The following PDE11A variants were observed in gnomAD, a reference collection of about 807,000 sequenced individuals.
The protein encoded by PDE11A is phosphodiesterase 11A.
Under a neutral mutation model 100.5 loss-of-function variants are expected in PDE11A, and 100 were observed. The ratio of observed to expected loss-of-function variants is 1.00; its 90% CI spans 0.85 to 1.18. The LOEUF (loss-of-function observed/expected upper bound fraction) is 1.18. PDE11A is among the 50% of genes most tolerant of loss of function. The probability of loss-of-function intolerance (pLI) is 0.00; values close to 1 mark genes in which losing one functional copy is unlikely to be tolerated. For missense variants in PDE11A, 1,141 were observed against 1,152.6 expected (o/e 0.99, Z 0.15); for synonymous variants, 381 against 420.8 (o/e 0.91, Z 1.16).
At chr2:177,853,578 GC>G (rs1161345519) in intron 5 of PDE11A, among the ~76,000 whole-genome samples, 20 of 141,534 alleles carry the variant, frequency 1.4e-4, no homozygotes, top group Non-Finnish European at 2.7e-4. Context: ...CTGTGAGGGT[GC>G]TGTGGATACC....
At chr2:178,020,897 GTCTT>G (rs998026866) in intron 1 of PDE11A, among the ~76,000 whole-genome samples, 35 of 88,898 alleles carry the variant, frequency 3.9e-4, no homozygotes, top group African/African-American at 1.4e-3. Context: ...TTTCTATTAA[GTCTT>G]TGTTTTTTTG....
At chr2:178,086,748 C>A (rs1487583677) in intron 2 of PDE11A, among the ~76,000 whole-genome samples, 1 of 152,098 alleles carries the variant, frequency 6.6e-6, no homozygotes, top group Non-Finnish European at 1.5e-5. Flanking sequence ...AGACAACAGT[C>A]GTTAAAAGTG....
At chr2:177,634,025 AACAC>A (rs142555250) in intron 19 of PDE11A, among the ~76,000 whole-genome samples, 1 of 152,300 alleles carries the variant, frequency 6.6e-6, no homozygotes, top group East Asian at 1.9e-4. Flanking sequence ...TCTTAAAAGC[AACAC>A]ATTTTTTTCT....
chr2:177,727,984 T>C (rs1381512550), intron 11 of PDE11A, 42 bp downstream of exon 11: 2 of 1,580,912 alleles, frequency 1.3e-6, no homozygotes. Flanking sequence ...TAACACGTTG[T>C]CCCAGGTGAA....
chr2:177,927,732 A>G (rs2085149656), intron 2 of PDE11A, among the ~76,000 whole-genome samples: 2 of 152,372 alleles, frequency 1.3e-5, no homozygotes, highest in African/African-American at 4.8e-5. Context: ...TTCATAAAGC[A>G]AAAGAGTATC....
chr2:177,735,555 G>A (rs574242291), intron 10 of PDE11A, among the ~76,000 whole-genome samples: 12 of 152,224 alleles, frequency 7.9e-5, no homozygotes, highest in African/African-American at 2.6e-4. Flanking sequence ...GAAACATGGC[G>A]GAGAACAGCA....
intron 19 of PDE11A, among the ~76,000 whole-genome samples, chr2:177,630,358 A>G (rs188165068): frequency 6.6e-6 from 1 of 152,270 alleles, no homozygotes; most frequent in African/African-American, 2.4e-5. Flanking sequence ...AGCTTGTCTC[A>G]CCGCTCCTGG....
At chr2:178,018,380 T>TGACTTTAACTTGGCACACTC in intron 1 of PDE11A, 1 of 491,654 alleles carries the variant, frequency 2.0e-6, no homozygotes, top group Non-Finnish European at 4.0e-6. Flanking sequence ...TTGGCACACT[T>TGACTTTAACTTGGCACACTC]GACTTTAACC....
At chr2:177,800,486 T>G (rs2082775690) in intron 9 of PDE11A, among the ~76,000 whole-genome samples, 1 of 152,272 alleles carries the variant, frequency 6.6e-6, no homozygotes, top group East Asian at 1.9e-4. Context: ...CAGTCTAATT[T>G]TAAAGCCTGC....
chr2:177,652,329 G>C (rs1454437341), intron 19 of PDE11A, among the ~76,000 whole-genome samples: 1 of 152,208 alleles, frequency 6.6e-6, no homozygotes, highest in Non-Finnish European at 1.5e-5. Context: ...TCTGAGCAGA[G>C]TCCTCAAGTA....
intron 2 of PDE11A, among the ~76,000 whole-genome samples, chr2:178,078,758 T>C (rs184907746): frequency 3.3e-5 from 5 of 152,348 alleles, no homozygotes; most frequent in Admixed American, 6.5e-5. Context: ...CTTAGTAGAA[T>C]ATGGATAAAT....
intron 2 of PDE11A, among the ~76,000 whole-genome samples, chr2:178,088,461 C>T (rs1457698124): frequency 6.6e-6 from 1 of 152,206 alleles, no homozygotes; most frequent in Non-Finnish European, 1.5e-5. Context: ...AAGTACTTCA[C>T]TCACTAGTCT....
chr2:177,631,608 T>C (rs1273049654), intron 19 of PDE11A, among the ~76,000 whole-genome samples: 1 of 127,140 alleles, frequency 7.9e-6, no homozygotes, highest in Non-Finnish European at 1.6e-5. Flanking sequence ...TATGTGTGTA[T>C]ATATATACAT....
chr2:177,927,690 C>T (rs1225964788), intron 2 of PDE11A, among the ~76,000 whole-genome samples: 1 of 152,146 alleles, frequency 6.6e-6, no homozygotes, highest in African/African-American at 2.4e-5. Context: ...AGTTTGTCTA[C>T]CTTTGAGAAA....
chr2:178,108,053 T>C (rs2087642410), intron 1 of PDE11A, among the ~76,000 whole-genome samples: 2 of 152,230 alleles, frequency 1.3e-5, no homozygotes, highest in Admixed American at 1.3e-4. Flanking sequence ...TTGGCAACCC[T>C]GTGTTGAACA....
At chr2:177,929,941 T>C (rs1332524739) in intron 2 of PDE11A, among the ~76,000 whole-genome samples, 1 of 152,190 alleles carries the variant, frequency 6.6e-6, no homozygotes, top group Non-Finnish European at 1.5e-5. Context: ...TAAATATGAT[T>C]ATAATAAACA....
chr2:178,094,389 G>A (rs749240557), intron 2 of PDE11A, among the ~76,000 whole-genome samples: 21 of 151,878 alleles, frequency 1.4e-4, no homozygotes, highest in African/African-American at 3.9e-4. Context: ...AAAAATGGCC[G>A]GGCATGGTGG....
At chr2:178,053,925 G>C (rs1366815471) in intron 1 of PDE11A, among the ~76,000 whole-genome samples, 2 of 152,092 alleles carry the variant, frequency 1.3e-5, no homozygotes, top group African/African-American at 4.8e-5. Context: ...CACGAAAATG[G>C]CCATACTGCC....
At chr2:177,716,484 C>A (rs1157887156) in intron 12 of PDE11A, among the ~76,000 whole-genome samples, 4 of 152,104 alleles carry the variant, frequency 2.6e-5, no homozygotes, top group Non-Finnish European at 5.9e-5. Flanking sequence ...TGTTATGAGT[C>A]CATGCAAGGC....
Sources: allele counts gnomAD v4.1 joint callset (sites outside exome capture counted in the v4.1 genomes callset), GRCh38; gene constraint gnomAD v4.1.1; transcripts MANE v1.5; gene names NCBI Gene and HGNC (gene_info 2026-07-23, HGNC 2026-07-21).